The following PRRC1 variants were observed in gnomAD, a reference collection of about 807,000 sequenced individuals.
The protein encoded by PRRC1 is proline rich coiled-coil 1, also known as protein PRRC1.
In PRRC1, 39 loss-of-function variants were observed where a neutral mutation model predicts 40.7. That is an observed-to-expected ratio of 0.96 (90% CI 0.74 to 1.25). The LOEUF (loss-of-function observed/expected upper bound fraction) is 1.25, where lower values mean the gene tolerates loss of function less well. Among genes scored for constraint, PRRC1 ranks in the 50% most tolerant of loss-of-function variants. The pLI is 0.00. For missense variants in PRRC1, 573 were observed against 548.3 expected, an observed-to-expected ratio of 1.05 and a Z score of -0.45; for synonymous variants, 175 against 193.3, an observed-to-expected ratio of 0.91 and a Z score of 0.79.
chr5:127,543,210 T>C (rs1245368553), intron 7 of PRRC1, among the ~76,000 whole-genome samples: 1 of 152,226 alleles, frequency 6.6e-6, no homozygotes, highest in East Asian at 1.9e-4. Context: ...CCCCACTCTC[T>C]TCTGGCTTGT....
At chr5:127,525,067 A>G in intron 3 of PRRC1, 147 bp downstream of exon 3, 1 of 863,760 alleles carries the variant, frequency 1.2e-6, no homozygotes, top group Non-Finnish European at 1.7e-6. Flanking sequence ...TTACATCAGA[A>G]TTGTGCATCC....
chr5:127,522,720 C>T (rs893565497), intron 1 of PRRC1, among the ~76,000 whole-genome samples: 2 of 151,502 alleles, frequency 1.3e-5, no homozygotes, highest in African/African-American at 2.4e-5. Context: ...ATGGGGTTAT[C>T]TTATACACAG....
chr5:127,548,456 C>CTTT (rs33977862), intron 8 of PRRC1: 40,143 of 137,218 alleles, frequency 0.29, 6,124 homozygotes, highest in East Asian at 0.54. Context: ...CCTTATTCCT[C>CTTT]TTTTTTTTTT....
rs769774828 is a variant in PRRC1 at position 127,551,736 on chromosome 5, T to C, written c.1158T>C (p.Asn386=). 6.2e-7 allele frequency: 1 copy of C among 1,614,136 alleles called. No homozygotes were observed. Among genetic ancestry groups the C allele is most frequent in the Non-Finnish European group, 8.5e-7 (1 of 1,180,000 alleles). Residue 386 remains asparagine, a synonymous_variant, in exon 9 of 9, where the codon AAT becomes AAC. Transcript: ENST00000296666. ...QAQSLTPQDY[N]LRWSGLLVTV... is the part of the protein sequence containing the mutation. Reference sequence around the variant, plus strand: ...AAAGTCTAACTCCCCAGGACTATAATCTGAGGTGGTCAGGCCTTTTGGTGA... The same window carrying C: ...AAAGTCTAACTCCCCAGGACTATAACCTGAGGTGGTCAGGCCTTTTGGTGA...
intron 8 of PRRC1, 36 bp from the exon 9 acceptor site, chr5:127,551,671 T>C (rs763848957): frequency 6.3e-7 from 1 of 1,582,478 alleles, no homozygotes; most frequent in East Asian, 2.2e-5. Flanking sequence ...TATTTTTAAA[T>C]GTATTATAAG....
chr5:127,524,610 G>A lies in PRRC1; in HGVS notation c.183G>A (p.Pro61=), dbSNP rs769543226. The A allele has an allele frequency of 7.4e-6, 12 of 1,613,802 alleles. No individual in the cohort carries two copies. Among genetic ancestry groups the A allele is most frequent in the East Asian group, 4.5e-5 (2 of 44,864 alleles). ...CACTCGCATACTCTACTCCTCAGCC[G>A]CCCCTTCCTCCTGTGAGGCCTTCAG... ...FPPLAYSTPQ[P]PLPPVRPSAP... The change falls in exon 3 of 9, where the codon CCG becomes CCA. Residue 61 remains proline (P), a synonymous_variant. Coordinates refer to ENST00000296666, the MANE Select transcript of PRRC1 (RefSeq NM_130809.5).
chr5:127,546,232 A>G (rs2127115295), intron 7 of PRRC1, among the ~76,000 whole-genome samples: 1 of 152,294 alleles, frequency 6.6e-6, no homozygotes, highest in South Asian at 2.1e-4. Context: ...AAACTCTTAC[A>G]TAGAGTTCTT....
chr5:127,525,550 C>G (rs921752409), intron 3 of PRRC1, among the ~76,000 whole-genome samples: 34 of 152,120 alleles, frequency 2.2e-4, no homozygotes, highest in African/African-American at 7.7e-4. Context: ...CATGGAATTG[C>G]TGATTTACAT....
intron 7 of PRRC1, among the ~76,000 whole-genome samples, chr5:127,547,455 CA>C (rs1303817276): frequency 6.6e-6 from 1 of 151,980 alleles, no homozygotes; most frequent in Non-Finnish European, 1.5e-5. Context: ...CATATTTTAG[CA>C]AGTGACAATT....
chr5:127,530,494 T>G (rs1767740249), intron 5 of PRRC1, 98 bp downstream of exon 5: 2 of 635,610 alleles, frequency 3.1e-6, no homozygotes, highest in East Asian at 5.7e-5. Flanking sequence ...CCACTGATTG[T>G]GTAATCAGTG....
At position 127,554,398 on chromosome 5, in the gene PRRC1, TG is replaced by T; in HGVS notation, c.*2484del. The T allele has an allele frequency of 6.6e-6, 1 of 152,384 alleles. No individual in the cohort carries two copies. Among genetic ancestry groups the T allele is most frequent in the Admixed American group, 6.5e-5 (1 of 15,296 alleles). The allele number at this position is 152,384 out of a possible 1,614,324, so 9.4% of individuals were successfully genotyped here. ...TTTTTTTTTTCTTCCGAAGAACTCC[TG>T]GTTGTTATTGGATTTTGTATTTTAA... is the stretch of plus-strand genomic sequence containing the variant. On this transcript the variant is annotated 3_prime_UTR_variant, in exon 9 of 9. Coordinates refer to ENST00000296666, the MANE Select transcript of PRRC1 (RefSeq NM_130809.5).
intron 1 of PRRC1, among the ~76,000 whole-genome samples, chr5:127,523,232 T>C (rs1459452427): frequency 2.5e-4 from 38 of 152,248 alleles, no homozygotes. Flanking sequence ...TTCCCACTTA[T>C]AAAGTATCTA....
chr5:127,523,680 A>T, intron 2 of PRRC1, 98 bp downstream of exon 2: 1 of 569,206 alleles, frequency 1.8e-6, no homozygotes. Context: ...ATATATTAAA[A>T]CTTCTCTATT....
rs1272030534 is a variant in PRRC1, at chr5:127,553,449, A to G, written c.*1533A>G. The stretch of plus-strand genomic sequence containing the variant: ...GAGAGGTTATAGGTTGCCTTGGTGT[A>G]CTTTTGTCCAGGAGTAACAGGGACA... On this transcript the variant is annotated 3_prime_UTR_variant, in exon 9 of 9. Coordinates refer to ENST00000296666, the MANE Select transcript of PRRC1 (RefSeq NM_130809.5). 9.0e-7 allele frequency: 1 copy of G among 1,105,940 alleles called. No individual in the cohort carries two copies. The highest frequency in any genetic ancestry group is 8.5e-5 in the East Asian group (1 of 11,808). 68.5% of individuals were successfully genotyped at this position (1,105,940 alleles called of 1,614,324 possible).
In PRRC1 at chr5:127,554,377, T is replaced by C. The variant is rs1475440024; in HGVS notation, c.*2461T>C. On this transcript the variant is annotated 3_prime_UTR_variant, in exon 9 of 9. Transcript: ENST00000296666. ...ACTGTTGGGGTTGTTTTGTGATTTTTTTTTTCTTCCGAAGAACTCCTGGTT... is the reference window on the plus strand; with the variant it reads ...ACTGTTGGGGTTGTTTTGTGATTTTCTTTTTCTTCCGAAGAACTCCTGGTT... 6.6e-6 allele frequency: 1 copy of C among 152,284 alleles called. No homozygotes were observed. The highest frequency in any genetic ancestry group is 1.5e-5 in the Non-Finnish European group (1 of 68,076). The allele number at this position is 152,284 out of a possible 1,614,324, so 9.4% of individuals were successfully genotyped here. A position where few individuals can be genotyped will look rare whatever the true frequency, so the allele number is the denominator to read the frequency against.
intron 4 of PRRC1, among the ~76,000 whole-genome samples, 193 bp downstream of exon 4, chr5:127,526,971 T>G (rs1023109532): frequency 5.9e-5 from 9 of 152,360 alleles, no homozygotes; most frequent in African/African-American, 2.2e-4. Context: ...AAAATCAAAT[T>G]GAAGTAGTGA....
rs1767778190 is a variant in PRRC1, at chr5:127,531,735, G to A, written c.757+1339G>A. 2.1e-5 allele frequency among the ~76,000 whole-genome samples: 3 copies of A among 140,746 alleles called. No individual in the cohort carries two copies. The Admixed American group carries it at 2.3e-4, about 11-fold the overall frequency. 92.3% of individuals were successfully genotyped at this position (140,746 alleles called of 152,430 possible). On this transcript the variant is annotated intron_variant, in intron 5 of 8. Transcript: ENST00000296666. ...CCTCCTGGGTTCAAGTTATTCTTAT[G>A]TCTCAGTCTTCTGAGTAGCTGGGAC...
Position 127,533,696 on chromosome 5 carries a change from CCAG to C in PRRC1, c.832_834del (p.Gln278del). The C allele has an allele frequency of 6.2e-7, 1 of 1,614,076 alleles. No homozygotes were observed. On this transcript the variant is annotated inframe_deletion, in exon 6 of 9. Coordinates refer to ENST00000296666, the MANE Select transcript of PRRC1 (RefSeq NM_130809.5). Reference sequence around the variant, plus strand: ...AAGTTGCTGCTGTCCGAGATGCCTTCCAGGAGGTCTTTGGCTTAGCTGTGGTTG... The same window carrying C: ...AAGTTGCTGCTGTCCGAGATGCCTTCGAGGTCTTTGGCTTAGCTGTGGTTG...
In PRRC1 at chr5:127,553,839, T is replaced by C; in HGVS notation, c.*1923T>C. 6.5e-7 allele frequency: 1 copy of C among 1,535,858 alleles called. No individual in the cohort carries two copies. On this transcript the variant is annotated 3_prime_UTR_variant, in exon 9 of 9. Coordinates refer to ENST00000296666, the MANE Select transcript of PRRC1 (RefSeq NM_130809.5). ...ATCCCCAAAGAGCAGTGGCAGTCCATGGCTTGGTTGAAGCTAGAAATTTTC... is the reference window on the plus strand; with the variant it reads ...ATCCCCAAAGAGCAGTGGCAGTCCACGGCTTGGTTGAAGCTAGAAATTTTC...
Sources: allele counts gnomAD v4.1 joint callset (sites outside exome capture counted in the v4.1 genomes callset), GRCh38; gene constraint gnomAD v4.1.1; transcripts MANE v1.5; gene names NCBI Gene and HGNC (gene_info 2026-07-23, HGNC 2026-07-21).